CNTNAP2: variants seen among roughly 807,000 people sequenced by gnomAD.
CNTNAP2 encodes the protein contactin associated protein 2.
A neutral mutation model predicts 155.2 loss-of-function variants in CNTNAP2; 98 were observed. The ratio of observed to expected loss-of-function variants is 0.63; its 90% CI spans 0.54 to 0.75. The LOEUF is 0.75. Among genes scored for constraint, CNTNAP2 ranks in the 30% least tolerant of loss-of-function variants. The pLI, the probability that CNTNAP2 is intolerant of heterozygous loss-of-function variation, is 0.00. For missense variants in CNTNAP2, 1,727 were observed against 1,688.1 expected, an observed-to-expected ratio of 1.02 and a Z score of -0.40; for synonymous variants, 651 against 631.2, an observed-to-expected ratio of 1.03 and a Z score of -0.47.
At chr7:148,021,580 A>G (rs1040364698) in intron 15 of CNTNAP2, among the ~76,000 whole-genome samples, 6 of 152,196 alleles carry the variant, frequency 3.9e-5, no homozygotes, top group African/African-American at 1.4e-4. Flanking sequence ...TGTTCATTCA[A>G]TGGATCAACT....
chr7:147,490,049 A>G (rs2116646372), intron 11 of CNTNAP2, among the ~76,000 whole-genome samples: 1 of 152,350 alleles, frequency 6.6e-6, no homozygotes, highest in Non-Finnish European at 1.5e-5. Flanking sequence ...TTAGTGTTCG[A>G]CAAAAATAAG....
chr7:146,682,609 A>G (rs1800524042), intron 1 of CNTNAP2, among the ~76,000 whole-genome samples: 1 of 152,216 alleles, frequency 6.6e-6, no homozygotes, highest in African/African-American at 2.4e-5. Context: ...CCCTTTTTCA[A>G]GCAGTGCAAA....
At position 146,650,988 on chromosome 7, in the gene CNTNAP2, G is replaced by A. The variant is rs116327556; in HGVS notation, c.98-123283G>A. ...TGAGATATGATCACGCTGGTGGATA[G>A]TGACTGCACTCCAGCCTGGGCAACA... is the stretch of plus-strand genomic sequence containing the variant. On this transcript the variant is annotated intron_variant, in intron 1 of 23. Coordinates refer to ENST00000361727, the MANE Select transcript of CNTNAP2 (RefSeq NM_014141.6). Among the ~76,000 whole-genome samples the A allele has an allele frequency of 7.7e-3, 1,175 of 152,016 alleles. 11 individuals carry two copies. Among genetic ancestry groups the A allele is most frequent in the African/African-American group, 0.027 (1,115 of 41,472 alleles).
rs374562315 is a variant in CNTNAP2, at chr7:146,159,454, TAA to T, written c.97+42483_97+42484del. Among the ~76,000 whole-genome samples, 101 of 152,204 alleles carry T rather than the reference TAA, an allele frequency of 6.6e-4. No individual in the cohort carries two copies. In the East Asian group the frequency reaches 0.013, roughly 19 times the overall value. ...AAAAGACACAGACTGGCAAATTGGA[TAA>T]AGAGTCAAGACCCATCAGTGTGCTG... On this transcript the variant is annotated intron_variant, in intron 1 of 23. Transcript: ENST00000361727.
intron 21 of CNTNAP2, among the ~76,000 whole-genome samples, chr7:148,362,039 T>C (rs1798631903): frequency 6.6e-6 from 1 of 152,044 alleles, no homozygotes; most frequent in Admixed American, 6.6e-5. Context: ...GAAACCTGTC[T>C]CTACTAAAAA....
rs573175212 is a variant in CNTNAP2, at chr7:146,144,357, G to T, written c.97+27384G>T. Among the ~76,000 whole-genome samples, 3 of 152,154 alleles carry T rather than the reference G, an allele frequency of 2.0e-5. No individual in the cohort carries two copies. In the South Asian group the frequency reaches 6.2e-4, roughly 32 times the overall value. On this transcript the variant is annotated intron_variant, in intron 1 of 23. Coordinates refer to ENST00000361727, the MANE Select transcript of CNTNAP2 (RefSeq NM_014141.6). ...GTTAGAGAGGGGCTTTCACCACATTGCCCAGGCTGCTCTTGAACTCCTGAG... is the reference window on the plus strand; with the variant it reads ...GTTAGAGAGGGGCTTTCACCACATTTCCCAGGCTGCTCTTGAACTCCTGAG...
At chr7:146,376,688 A>G (rs1446888929) in intron 1 of CNTNAP2, among the ~76,000 whole-genome samples, 1 of 152,166 alleles carries the variant, frequency 6.6e-6, no homozygotes, top group Admixed American at 6.5e-5. Flanking sequence ...TACGGTATAA[A>G]TGCATGTGTC....
chr7:146,421,729 A>C (rs1424393304), intron 1 of CNTNAP2, among the ~76,000 whole-genome samples: 2 of 151,958 alleles, frequency 1.3e-5, no homozygotes, highest in Non-Finnish European at 2.9e-5. Context: ...GAACCATAGA[A>C]GATATCATAG....
intron 1 of CNTNAP2, among the ~76,000 whole-genome samples, chr7:146,305,549 T>C (rs1800694680): frequency 6.6e-6 from 1 of 152,088 alleles, no homozygotes; most frequent in Admixed American, 6.6e-5. Flanking sequence ...GTCCACTCCA[T>C]ACCCTATTTG....
intron 15 of CNTNAP2, among the ~76,000 whole-genome samples, chr7:148,015,444 G>T (rs960304966): frequency 2.6e-5 from 4 of 152,162 alleles, no homozygotes; most frequent in African/African-American, 9.7e-5. Flanking sequence ...ACAGAGGAGC[G>T]CCTGTGTCCC....
intron 1 of CNTNAP2, among the ~76,000 whole-genome samples, chr7:146,422,926 A>G (rs976739930): frequency 2.4e-4 from 37 of 152,204 alleles, no homozygotes; most frequent in African/African-American, 8.9e-4. Context: ...GGGATGAAAT[A>G]TAAATCAAAG....
At chr7:146,178,381 A>G (rs912663460) in intron 1 of CNTNAP2, among the ~76,000 whole-genome samples, 11 of 152,038 alleles carry the variant, frequency 7.2e-5, no homozygotes, top group African/African-American at 2.7e-4. Flanking sequence ...TAATATTTAG[A>G]TCTATAGTTT....
intron 9 of CNTNAP2, among the ~76,000 whole-genome samples, chr7:147,356,542 G>A (rs893455669): frequency 1.3e-5 from 2 of 152,080 alleles, no homozygotes; most frequent in Admixed American, 6.6e-5. Flanking sequence ...CATTGTCTTA[G>A]CCCAAAATCT....
intron 2 of CNTNAP2, among the ~76,000 whole-genome samples, chr7:146,822,980 C>T (rs1407562224): frequency 7.2e-4 from 5 of 6,988 alleles, no homozygotes; most frequent in Admixed American, 2.3e-3. Context: ...CATTCTTCAG[C>T]ATATTTACAT....
chr7:148,330,936 GA>G (rs199836954), intron 21 of CNTNAP2, among the ~76,000 whole-genome samples: 4 of 140,612 alleles, frequency 2.8e-5, no homozygotes, highest in African/African-American at 7.7e-5. Flanking sequence ...TGGACGGATG[GA>G]ATTGGATGGA....
intron 1 of CNTNAP2, among the ~76,000 whole-genome samples, chr7:146,334,947 T>C (rs144460708): frequency 6.6e-6 from 1 of 152,332 alleles, no homozygotes; most frequent in African/African-American, 2.4e-5. Flanking sequence ...TCAACCCTCA[T>C]TGATCACATC....
At chr7:147,916,360 G>A (rs768946490) in intron 14 of CNTNAP2, among the ~76,000 whole-genome samples, 3 of 152,102 alleles carry the variant, frequency 2.0e-5, no homozygotes, top group Admixed American at 1.3e-4. Context: ...ATTGGGCACC[G>A]GAGAAGATGT....
chr7:147,156,425 G>A (rs1185629173), intron 8 of CNTNAP2, among the ~76,000 whole-genome samples: 1 of 152,108 alleles, frequency 6.6e-6, no homozygotes, highest in Non-Finnish European at 1.5e-5. Context: ...CCTCACAAAG[G>A]CTTTCCTTTG....
At chr7:147,732,770 C>T (rs1460018456) in intron 13 of CNTNAP2, among the ~76,000 whole-genome samples, 4 of 152,208 alleles carry the variant, frequency 2.6e-5, no homozygotes, top group African/African-American at 4.8e-5. Flanking sequence ...TTTTGATTTG[C>T]ATTTCTCTGA....
Sources: allele counts gnomAD v4.1 joint callset (sites outside exome capture counted in the v4.1 genomes callset), GRCh38; gene constraint gnomAD v4.1.1; transcripts MANE v1.5; gene names NCBI Gene and HGNC (gene_info 2026-07-23, HGNC 2026-07-21).